The following DDX10 variants were observed in gnomAD, a reference collection of about 807,000 sequenced individuals.
DDX10 encodes the protein DEAD-box helicase 10, also known as probable ATP-dependent RNA helicase DDX10.
In DDX10, 74 loss-of-function variants were observed where a neutral mutation model predicts 104.3. The ratio of observed to expected loss-of-function variants is 0.71; its 90% confidence interval spans 0.59 to 0.86. The LOEUF (loss-of-function observed/expected upper bound fraction) is 0.86. Ranked by LOEUF, DDX10 falls within the 40% of genes least tolerant of loss-of-function variation. The probability of loss-of-function intolerance (pLI) is 0.00; values close to 1 mark genes in which losing one functional copy is unlikely to be tolerated. For synonymous variants in DDX10, 351 were observed against 353.4 expected (o/e 0.99, Z 0.08); for missense variants, 952 against 1,040.0 (o/e 0.92, Z 1.16).
intron 11 of DDX10, among the ~76,000 whole-genome samples, chr11:108,718,253 G>A (rs900893651): frequency 6.6e-6 from 1 of 152,082 alleles, no homozygotes; most frequent in Non-Finnish European, 1.5e-5. Flanking sequence ...GAGATCTACT[G>A]TGTTATATCA....
chr11:108,940,561 G>GT lies in DDX10; in HGVS notation c.*139dup. The GT allele has an allele frequency of 1.3e-6, 1 of 757,814 alleles. No individual in the cohort carries two copies. The highest frequency in any genetic ancestry group is 2.1e-6 in the Non-Finnish European group (1 of 482,504). The allele number at this position is 757,814 out of a possible 1,614,324, so 46.9% of individuals were successfully genotyped here. On this transcript the variant is annotated 3_prime_UTR_variant, in exon 18 of 18. Coordinates refer to ENST00000322536, the MANE Select transcript of DDX10 (RefSeq NM_004398.4). ...GGCACATTTCTGGATAGAAGCGATC[G>GT]TATCTCCAAGTCCCTCTCACAGGAC... is the stretch of plus-strand genomic sequence containing the variant.
chr11:108,767,516 C>T (rs1421915932), intron 13 of DDX10: 2 of 152,190 alleles, frequency 1.3e-5, no homozygotes, highest in African/African-American at 4.8e-5. Context: ...AAGGCTGTCT[C>T]CTCTTAGTTT....
At chr11:108,855,041 G>A (rs1164018244) in intron 16 of DDX10, among the ~76,000 whole-genome samples, 2 of 152,140 alleles carry the variant, frequency 1.3e-5, no homozygotes, top group Non-Finnish European at 2.9e-5. Flanking sequence ...AAGGTTTGCT[G>A]GGTACCTAAT....
chr11:108,679,271 T>C (rs1383682115), intron 5 of DDX10, 100 bp from the exon 6 acceptor site: 6 of 1,008,888 alleles, frequency 5.9e-6, no homozygotes, highest in Admixed American at 5.1e-5. Flanking sequence ...TTTCCGCTAA[T>C]GTTCTTTTTC....
In DDX10 at chr11:108,691,798, G is replaced by A. The variant is rs960096036; in HGVS notation, c.976-78G>A. 3 of 1,343,940 alleles carry A rather than the reference G, an allele frequency of 2.2e-6. No individual in the cohort carries two copies. The African/African-American group carries it at 4.4e-5, about 20-fold the overall frequency. The allele number at this position is 1,343,940 out of a possible 1,614,324, so 83.3% of individuals were successfully genotyped here. A position where few individuals can be genotyped will look rare whatever the true frequency, so the allele number is the denominator to read the frequency against. ...CACATTGCTCTGCTGTTGAGACTCTGTGGGATACGTTGATAAGAGAAAAGC... is the reference window on the plus strand; with the variant it reads ...CACATTGCTCTGCTGTTGAGACTCTATGGGATACGTTGATAAGAGAAAAGC... On this transcript the variant is annotated intron_variant, in intron 7 of 17. Coordinates refer to ENST00000322536, the MANE Select transcript of DDX10 (RefSeq NM_004398.4).
intron 13 of DDX10, among the ~76,000 whole-genome samples, chr11:108,837,323 G>A (rs1862568725): frequency 6.6e-6 from 1 of 152,130 alleles, no homozygotes. Flanking sequence ...TCTAATGGAA[G>A]CTGCATTGGG....
intron 13 of DDX10, among the ~76,000 whole-genome samples, chr11:108,806,921 A>G (rs12808999): frequency 6.6e-6 from 1 of 152,204 alleles, no homozygotes; most frequent in African/African-American, 2.4e-5. Context: ...TGGTCAGGCT[A>G]TGTGCCTATG....
intron 13 of DDX10, among the ~76,000 whole-genome samples, chr11:108,792,410 G>T (rs1178598656): frequency 6.6e-6 from 1 of 152,164 alleles, no homozygotes; most frequent in East Asian, 1.9e-4. Context: ...TTAGGCATAT[G>T]ATCCATTTTG....
At chr11:108,826,414 A>T (rs1485651909) in intron 13 of DDX10, among the ~76,000 whole-genome samples, 1 of 152,176 alleles carries the variant, frequency 6.6e-6, no homozygotes, top group African/African-American at 2.4e-5. Context: ...AAAAGGCCGG[A>T]TATCACAGGC....
At chr11:108,891,109 A>T (rs145693888) in intron 16 of DDX10, among the ~76,000 whole-genome samples, 16 of 152,278 alleles carry the variant, frequency 1.1e-4, no homozygotes, top group Non-Finnish European at 2.4e-4. Context: ...TTTGACCGCT[A>T]TAGCAGTTAC....
intron 13 of DDX10, among the ~76,000 whole-genome samples, chr11:108,758,868 A>G (rs2615751): frequency 0.99 from 151,008 of 152,166 alleles, 74,945 homozygotes; most frequent in Middle Eastern, 1. Context: ...ACAGGATGCC[A>G]GGATTAGCAT....
chr11:108,790,204 A>G (rs147606976), intron 13 of DDX10, among the ~76,000 whole-genome samples: 1,602 of 152,284 alleles, frequency 0.011, 37 homozygotes, highest in African/African-American at 0.035. Flanking sequence ...GTTTTTAAAA[A>G]TTTCGCTTAT....
chr11:108,693,345 G>A (rs2094255311), intron 8 of DDX10, among the ~76,000 whole-genome samples, 171 bp from the exon 9 acceptor site: 1 of 152,144 alleles, frequency 6.6e-6, no homozygotes, highest in Admixed American at 6.6e-5. Flanking sequence ...CAAGAGAAAT[G>A]TTTACTATCT....
chr11:108,693,882 A>T (rs1208542568), intron 9 of DDX10, among the ~76,000 whole-genome samples: 4 of 152,224 alleles, frequency 2.6e-5, no homozygotes, highest in Non-Finnish European at 5.9e-5. Context: ...ATGACCTGTC[A>T]GTTAGGTCTA....
At chr11:108,818,612 A>G (rs1862285445) in intron 13 of DDX10, among the ~76,000 whole-genome samples, 1 of 152,200 alleles carries the variant, frequency 6.6e-6, no homozygotes, top group Admixed American at 6.6e-5. Context: ...TATCATAATT[A>G]AGTTATTTAA....
Position 108,878,404 on chromosome 11 carries a change from T to G in DDX10, c.2304+26195T>G, listed in dbSNP as rs185292090. On this transcript the variant is annotated intron_variant, in intron 16 of 17. Transcript: ENST00000322536. Reference sequence around the variant, plus strand: ...CACCATCACTACAGCAACAGAAAGTTTTCGTGTCTTTTTTCACCTATTTTT... The same window carrying G: ...CACCATCACTACAGCAACAGAAAGTGTTCGTGTCTTTTTTCACCTATTTTT... Among the ~76,000 whole-genome samples, 351 of 152,300 alleles carry G rather than the reference T, an allele frequency of 2.3e-3. 1 individual carries two copies. Among genetic ancestry groups the G allele is most frequent in the Non-Finnish European group, 4.1e-3 (278 of 68,008 alleles).
At chr11:108,846,404 T>C (rs1349579257) in intron 15 of DDX10, among the ~76,000 whole-genome samples, 1 of 151,770 alleles carries the variant, frequency 6.6e-6, no homozygotes, top group South Asian at 2.1e-4. Context: ...ATAACCAACA[T>C]CTTCCCTTTG....
At chr11:108,709,631 C>T (rs2094281299) in intron 10 of DDX10, among the ~76,000 whole-genome samples, 2 of 152,070 alleles carry the variant, frequency 1.3e-5, no homozygotes, top group Admixed American at 1.3e-4. Context: ...GATATTCCTT[C>T]TTTCATTTCT....
At chr11:108,704,231 C>T (rs2094272576) in intron 9 of DDX10, among the ~76,000 whole-genome samples, 1 of 152,154 alleles carries the variant, frequency 6.6e-6, no homozygotes, top group South Asian at 2.1e-4. Context: ...CTCCTAGGTT[C>T]TCTTACTCTT....
Sources: gnomAD v4.1 joint callset for allele counts (sites outside exome capture counted in the v4.1 genomes callset) on GRCh38, gnomAD v4.1.1 for gene constraint, MANE v1.5 for transcripts, NCBI Gene and HGNC (gene_info 2026-07-23, HGNC 2026-07-21) for gene names.